The following ZBTB20 variants were observed in gnomAD, a reference collection of about 807,000 sequenced individuals.
ZBTB20 encodes zinc finger and BTB domain containing 20.
ZBTB20 carries 9 observed loss-of-function variants against 56.9 expected under a neutral mutation model. The ratio of observed to expected loss-of-function variants is 0.16; its 90% CI spans 0.10 to 0.28. The LOEUF is 0.28. Among genes scored for constraint, ZBTB20 ranks in the 10% least tolerant of loss-of-function variants. The pLI, the probability that ZBTB20 is intolerant of heterozygous loss-of-function variation, is 1.00. For missense variants in ZBTB20, 655 were observed against 1,003.0 expected, an observed-to-expected ratio of 0.65 and a Z score of 4.69; for synonymous variants, 417 against 420.7, an observed-to-expected ratio of 0.99 and a Z score of 0.11.
rs192773857 is a variant in ZBTB20, at chr3:115,111,347, T to C, written c.-703+35872A>G. On this transcript the variant is annotated intron_variant, in intron 1 of 11. Transcript: ENST00000675478. ...AAAGAGTTATGAAAGAAATAAATCA[T>C]TATTATGAATTTTATTTTAAAAATT... Among the ~76,000 whole-genome samples the C allele has an allele frequency of 4.1e-4, 63 of 152,248 alleles. 2 individuals are homozygous for C. The highest frequency in any genetic ancestry group is 2.2e-3 in the Admixed American group (33 of 15,298).
At chr3:115,134,661 T>G (rs1191372347) in intron 1 of ZBTB20, among the ~76,000 whole-genome samples, 2 of 152,226 alleles carry the variant, frequency 1.3e-5, no homozygotes. Flanking sequence ...TTGAATTTCC[T>G]TAAGTGCTCC....
At chr3:114,944,189 T>G (rs528482030) in intron 3 of ZBTB20, among the ~76,000 whole-genome samples, 13 of 145,594 alleles carry the variant, frequency 8.9e-5, no homozygotes, top group Non-Finnish European at 1.2e-4. Flanking sequence ...CACACATTTC[T>G]CAGAAGAAGA....
intron 2 of ZBTB20, among the ~76,000 whole-genome samples, chr3:114,994,825 T>C (rs1380145446): frequency 6.6e-6 from 1 of 151,862 alleles, no homozygotes; most frequent in Non-Finnish European, 1.5e-5. Context: ...ATGAATTTAC[T>C]GAAATCCCAC....
At chr3:115,051,450 G>T (rs1025034988) in intron 2 of ZBTB20, among the ~76,000 whole-genome samples, 1 of 152,050 alleles carries the variant, frequency 6.6e-6, no homozygotes, top group Middle Eastern at 3.2e-3. Flanking sequence ...TTAGAGACTA[G>T]CAAATTAAAG....
intron 4 of ZBTB20, among the ~76,000 whole-genome samples, chr3:114,847,332 C>T (rs1177852043): frequency 3.3e-5 from 5 of 151,868 alleles, no homozygotes; most frequent in Admixed American, 6.6e-5. Context: ...TTACCCTCCC[C>T]ACCTAACACT....
intron 1 of ZBTB20, among the ~76,000 whole-genome samples, chr3:115,096,445 T>C (rs2083382162): frequency 1.3e-5 from 2 of 152,194 alleles, no homozygotes. Context: ...ACCAAAAATG[T>C]AGTTTGTTAA....
intron 6 of ZBTB20, among the ~76,000 whole-genome samples, chr3:114,517,487 T>A (rs1297738494): frequency 1.3e-5 from 2 of 152,130 alleles, no homozygotes; most frequent in African/African-American, 4.8e-5. Flanking sequence ...AGAGGCACGT[T>A]AAACCACAGG....
At chr3:115,025,745 A>T (rs2080398264) in intron 2 of ZBTB20, among the ~76,000 whole-genome samples, 1 of 150,588 alleles carries the variant, frequency 6.6e-6, no homozygotes, top group Non-Finnish European at 1.5e-5. Flanking sequence ...TTCCAGGCTT[A>T]ACACATATGT....
intron 1 of ZBTB20, among the ~76,000 whole-genome samples, chr3:115,125,630 A>G (rs1425644733): frequency 6.6e-6 from 1 of 152,218 alleles, no homozygotes; most frequent in East Asian, 1.9e-4. Flanking sequence ...TACAGAATGA[A>G]TAAGTTCAAG....
intron 1 of ZBTB20, among the ~76,000 whole-genome samples, chr3:115,132,917 T>C (rs917810005): frequency 5.3e-5 from 8 of 152,244 alleles, no homozygotes; most frequent in African/African-American, 1.7e-4. Flanking sequence ...CACTTAAAAA[T>C]ATATTTTAAA....
intron 6 of ZBTB20, among the ~76,000 whole-genome samples, chr3:114,620,149 A>C (rs2058219909): frequency 6.6e-6 from 1 of 152,234 alleles, no homozygotes; most frequent in African/African-American, 2.4e-5. Context: ...GAAATTACCC[A>C]AGCATTGTGG....
chr3:114,566,754 T>C lies in ZBTB20; in HGVS notation c.-294-66363A>G, dbSNP rs7623600. The stretch of plus-strand genomic sequence containing the variant: ...AATCACACAGTTCCTCTAAATACAG[T>C]TGACAGCCTTTGAGATGCAAAATGT... On this transcript the variant is annotated intron_variant, in intron 6 of 11. Coordinates refer to ENST00000675478, the MANE Select transcript of ZBTB20 (RefSeq NM_001348800.3). Among the ~76,000 whole-genome samples the C allele has an allele frequency of 4.0e-3, 615 of 152,308 alleles. 6 individuals carry two copies. The highest frequency in any genetic ancestry group is 0.014 in the African/African-American group (571 of 41,570).
At chr3:114,634,719 C>A (rs144539573) in intron 6 of ZBTB20, among the ~76,000 whole-genome samples, 47 of 152,314 alleles carry the variant, frequency 3.1e-4, no homozygotes, top group Admixed American at 1.2e-3. Flanking sequence ...CATATCAGTA[C>A]TTCCCCCAGA....
intron 6 of ZBTB20, among the ~76,000 whole-genome samples, chr3:114,653,986 T>C (rs2060264848): frequency 6.6e-6 from 1 of 151,960 alleles, no homozygotes; most frequent in African/African-American, 2.4e-5. Context: ...ATATTCATAA[T>C]TTGTATCATC....
At chr3:114,543,752 A>G (rs933317380) in intron 6 of ZBTB20, among the ~76,000 whole-genome samples, 1 of 152,210 alleles carries the variant, frequency 6.6e-6, no homozygotes, top group East Asian at 1.9e-4. Flanking sequence ...CAAACAGTTA[A>G]GATTTTAATG....
At chr3:114,650,350 A>C (rs1024343945) in intron 6 of ZBTB20, among the ~76,000 whole-genome samples, 1 of 151,938 alleles carries the variant, frequency 6.6e-6, no homozygotes, top group African/African-American at 2.4e-5. Context: ...AGTTCTAAGA[A>C]TATGCATTGG....
intron 2 of ZBTB20, among the ~76,000 whole-genome samples, chr3:114,984,128 A>G (rs2078438753): frequency 6.6e-6 from 1 of 151,868 alleles, no homozygotes; most frequent in Admixed American, 6.6e-5. Context: ...ATCTACCAAC[A>G]ACTTATTTTT....
At chr3:114,901,169 C>T (rs667826) in intron 3 of ZBTB20, among the ~76,000 whole-genome samples, 5,573 of 151,888 alleles carry the variant, frequency 0.037, 342 homozygotes, top group African/African-American at 0.13. Flanking sequence ...CTATGGGAGG[C>T]TGAGGTGGGC....
chr3:114,927,599 A>G (rs1481278336), intron 3 of ZBTB20, among the ~76,000 whole-genome samples: 2 of 152,204 alleles, frequency 1.3e-5, no homozygotes, highest in African/African-American at 4.8e-5. Context: ...GTCCACAGTT[A>G]TGCCAAGATT....
Sources: allele counts gnomAD v4.1 joint callset (sites outside exome capture counted in the v4.1 genomes callset), GRCh38; gene constraint gnomAD v4.1.1; transcripts MANE v1.5; gene names NCBI Gene and HGNC (gene_info 2026-07-23, HGNC 2026-07-21).